The following DTNBP1 variants were observed in gnomAD, a reference collection of about 807,000 sequenced individuals.
DTNBP1 encodes the protein dysbindin.
A neutral mutation model predicts 42.8 loss-of-function variants in DTNBP1; 35 were observed. The observed-to-expected ratio is 0.82, with a 90% CI of 0.63 to 1.09. The LOEUF (loss-of-function observed/expected upper bound fraction) is 1.09, where lower values mean the gene tolerates loss of function less well. DTNBP1 is among the 50% of genes least tolerant of loss of function. The pLI, the probability that DTNBP1 is intolerant of heterozygous loss-of-function variation, is 0.00. For synonymous variants in DTNBP1, 171 were observed against 162.2 expected, an observed-to-expected ratio of 1.05 and a Z score of -0.41; for missense variants, 457 against 424.2, an observed-to-expected ratio of 1.08 and a Z score of -0.68.
chr6:15,571,712 T>C (rs929715312), intron 7 of DTNBP1, among the ~76,000 whole-genome samples: 1 of 152,190 alleles, frequency 6.6e-6, no homozygotes, highest in East Asian at 1.9e-4. Flanking sequence ...GTATTGTCAC[T>C]ATTGACTGTC....
intron 4 of DTNBP1, among the ~76,000 whole-genome samples, chr6:15,635,417 C>G (rs1312004441): frequency 6.6e-6 from 1 of 152,190 alleles, no homozygotes; most frequent in Admixed American, 6.5e-5. Context: ...CCGAGCCTAA[C>G]TGGGTTCTGT....
At chr6:15,610,806 G>A (rs916450469) in intron 6 of DTNBP1, among the ~76,000 whole-genome samples, 6 of 152,168 alleles carry the variant, frequency 3.9e-5, no homozygotes, top group African/African-American at 1.2e-4. Flanking sequence ...TTCTATGAAA[G>A]CTAAAACAGG....
intron 1 of DTNBP1, among the ~76,000 whole-genome samples, chr6:15,659,042 T>C (rs1761439657): frequency 6.6e-6 from 1 of 151,702 alleles, no homozygotes; most frequent in South Asian, 2.1e-4. Context: ...AACCTAGAGC[T>C]CCCCCCAAAC....
intron 1 of DTNBP1, among the ~76,000 whole-genome samples, chr6:15,661,340 C>T (rs1225020430): frequency 8.6e-6 from 1 of 116,518 alleles, no homozygotes; most frequent in African/African-American, 3.4e-5. Flanking sequence ...GGCAACAGAG[C>T]GAGAACTTGT....
At chr6:15,592,403 T>C (rs944377188) in intron 7 of DTNBP1, among the ~76,000 whole-genome samples, 13 of 152,204 alleles carry the variant, frequency 8.5e-5, no homozygotes, top group African/African-American at 3.1e-4. Context: ...TGGAAGAACC[T>C]TGAGCTGCTG....
Position 15,532,697 on chromosome 6 carries a change from C to CTTTTTTTTTTT in DTNBP1, c.667+532_667+542dup, listed in dbSNP as rs373480713. Among the ~76,000 whole-genome samples, 29 of 93,112 alleles carry CTTTTTTTTTTT rather than the reference C, an allele frequency of 3.1e-4. 2 individuals are homozygous for CTTTTTTTTTTT. Among genetic ancestry groups the CTTTTTTTTTTT allele is most frequent in the African/African-American group, 5.8e-4 (13 of 22,396 alleles). The allele number at this position is 93,112 out of a possible 152,430, so 61.1% of individuals were successfully genotyped here. ...TAGAAGCATAATTTGTGTTTGTAATCTTTTTTTTTTTTTTTTTTTTTTGAG... is the reference window on the plus strand; with the variant it reads ...TAGAAGCATAATTTGTGTTTGTAATCTTTTTTTTTTTTTTTTTTTTTTTTTTTTTTTTTGAG... On this transcript the variant is annotated intron_variant, in intron 8 of 9. Transcript: ENST00000344537.
chr6:15,649,214 T>C (rs1056946252), intron 3 of DTNBP1, among the ~76,000 whole-genome samples: 9 of 152,138 alleles, frequency 5.9e-5, no homozygotes, highest in Non-Finnish European at 1.3e-4. Context: ...TTGTCACTCA[T>C]GTTCCTAGCA....
chr6:15,658,192 A>G (rs1761389382), intron 1 of DTNBP1, among the ~76,000 whole-genome samples: 1 of 152,234 alleles, frequency 6.6e-6, no homozygotes, highest in South Asian at 2.1e-4. Flanking sequence ...TTAAGCTTCT[A>G]TGAAAAAGGA....
chr6:15,652,187 T>C, intron 1 of DTNBP1, 47 bp from the exon 2 acceptor site: 6 of 1,458,200 alleles, frequency 4.1e-6, no homozygotes, highest in Non-Finnish European at 4.7e-6. Context: ...CAAGAGATTA[T>C]TATTATTTTT....
chr6:15,659,047 C>G (rs567680716), intron 1 of DTNBP1, among the ~76,000 whole-genome samples: 10 of 152,178 alleles, frequency 6.6e-5, no homozygotes, highest in South Asian at 2.1e-4. Context: ...AGAGCTCCCC[C>G]CAAACCACCA....
intron 7 of DTNBP1, among the ~76,000 whole-genome samples, chr6:15,589,974 G>A (rs1776228156): frequency 6.6e-6 from 1 of 152,088 alleles, no homozygotes; most frequent in Non-Finnish European, 1.5e-5. Flanking sequence ...TGTTGCCAAG[G>A]CTGGAGTGCA....
intron 6 of DTNBP1, among the ~76,000 whole-genome samples, chr6:15,594,509 C>T (rs1221691958): frequency 6.6e-6 from 1 of 151,660 alleles, no homozygotes; most frequent in Non-Finnish European, 1.5e-5. Flanking sequence ...AAAACAAAAC[C>T]TGTGTAATTG....
chr6:15,590,943 A>G (rs963105708), intron 7 of DTNBP1, among the ~76,000 whole-genome samples: 5 of 152,184 alleles, frequency 3.3e-5, no homozygotes, highest in Admixed American at 6.5e-5. Flanking sequence ...GAATAAAGCA[A>G]TTGGAGGAAG....
chr6:15,555,031 C>G (rs1774431320), intron 7 of DTNBP1, among the ~76,000 whole-genome samples: 1 of 151,416 alleles, frequency 6.6e-6, no homozygotes, highest in Admixed American at 6.6e-5. Flanking sequence ...CATGGTTAGC[C>G]AGGGAGGGGG....
Position 15,522,899 on chromosome 6 carries a change from C to A in DTNBP1, c.*76G>T, listed in dbSNP as rs987736805. The A allele has an allele frequency of 8.1e-6, 13 of 1,612,930 alleles. No homozygotes were observed. The highest frequency in any genetic ancestry group is 1.0e-5 in the Non-Finnish European group (12 of 1,179,538). Reference sequence around the variant, plus strand: ...AAAATCAAGAACCTCTATAAAACAACCTGGCTTTCCAGGTGGAATTCCGCA... The same window carrying A: ...AAAATCAAGAACCTCTATAAAACAAACTGGCTTTCCAGGTGGAATTCCGCA... On this transcript the variant is annotated 3_prime_UTR_variant, in exon 10 of 10. Coordinates refer to ENST00000344537, the MANE Select transcript of DTNBP1 (RefSeq NM_032122.5).
intron 1 of DTNBP1, among the ~76,000 whole-genome samples, chr6:15,652,532 A>C (rs1761062150): frequency 6.7e-6 from 1 of 150,334 alleles, no homozygotes; most frequent in African/African-American, 2.4e-5. Flanking sequence ...TAGGTCAGAT[A>C]AGCTACTTTT....
intron 7 of DTNBP1, among the ~76,000 whole-genome samples, chr6:15,590,242 C>T (rs1776240775): frequency 6.6e-6 from 1 of 152,110 alleles, no homozygotes; most frequent in Non-Finnish European, 1.5e-5. Flanking sequence ...CCTATTCATA[C>T]ACTTCTGATT....
intron 5 of DTNBP1, among the ~76,000 whole-genome samples, chr6:15,625,823 T>C (rs1759307240): frequency 6.6e-6 from 1 of 152,202 alleles, no homozygotes; most frequent in Non-Finnish European, 1.5e-5. Flanking sequence ...TACAGGAAGA[T>C]GAGCTGAAAG....
intron 6 of DTNBP1, among the ~76,000 whole-genome samples, chr6:15,604,835 A>G (rs971160340): frequency 6.6e-6 from 1 of 152,220 alleles, no homozygotes; most frequent in Non-Finnish European, 1.5e-5. Flanking sequence ...AGCAAAAAGA[A>G]TCAGGACCCT....
Sources: allele counts gnomAD v4.1 joint callset (sites outside exome capture counted in the v4.1 genomes callset), GRCh38; gene constraint gnomAD v4.1.1; transcripts MANE v1.5; gene names NCBI Gene and HGNC (gene_info 2026-07-23, HGNC 2026-07-21).